The following NRG3 variants were observed in gnomAD, a reference collection of about 807,000 sequenced individuals.
NRG3 encodes pro-neuregulin-3, membrane-bound isoform.
In NRG3, 31 loss-of-function variants were observed where a neutral mutation model predicts 66.9. The observed-to-expected ratio is 0.46, with a 90% CI of 0.35 to 0.63. The LOEUF is 0.63. Among genes scored for constraint, NRG3 ranks in the 20% least tolerant of loss-of-function variants. NRG3 has a pLI of 0.00. For synonymous variants in NRG3, 393 were observed against 359.4 expected, an observed-to-expected ratio of 1.09 and a Z score of -1.06; for missense variants, 910 against 878.9, an observed-to-expected ratio of 1.04 and a Z score of -0.45.
intron 1 of NRG3, among the ~76,000 whole-genome samples, chr10:82,069,198 G>T (rs1402725702): frequency 6.6e-6 from 1 of 152,146 alleles, no homozygotes; most frequent in Non-Finnish European, 1.5e-5. Flanking sequence ...AGATGGATTG[G>T]ATAGGGGTCA....
At chr10:81,918,351 A>C (rs551388548) in intron 1 of NRG3, among the ~76,000 whole-genome samples, 2 of 152,330 alleles carry the variant, frequency 1.3e-5, no homozygotes, top group Non-Finnish European at 2.9e-5. Flanking sequence ...TTGAATTCAC[A>C]TATGATATTG....
At chr10:82,545,671 G>C (rs1249886792) in intron 2 of NRG3, among the ~76,000 whole-genome samples, 1 of 151,406 alleles carries the variant, frequency 6.6e-6, no homozygotes, top group Non-Finnish European at 1.5e-5. Context: ...GTGAGCCACC[G>C]TGCCCAGCCG....
At chr10:82,130,136 C>T (rs916281493) in intron 1 of NRG3, among the ~76,000 whole-genome samples, 2 of 151,716 alleles carry the variant, frequency 1.3e-5, no homozygotes, top group African/African-American at 4.8e-5. Flanking sequence ...GTATATGTAT[C>T]ATATTTTCTT....
intron 1 of NRG3, among the ~76,000 whole-genome samples, chr10:82,200,115 C>A (rs1466052020): frequency 6.6e-6 from 1 of 152,086 alleles, no homozygotes; most frequent in Non-Finnish European, 1.5e-5. Context: ...AGACACTATT[C>A]TAAGTACTGG....
At chr10:81,980,412 A>T (rs1453729905) in intron 1 of NRG3, among the ~76,000 whole-genome samples, 6 of 152,236 alleles carry the variant, frequency 3.9e-5, no homozygotes, top group Admixed American at 6.5e-5. Flanking sequence ...GTCAGATAAT[A>T]AGAGTAAAAG....
chr10:82,326,840 T>A (rs2081898183), intron 1 of NRG3, among the ~76,000 whole-genome samples: 1 of 152,240 alleles, frequency 6.6e-6, no homozygotes, highest in African/African-American at 2.4e-5. Flanking sequence ...ATGTATGTAA[T>A]CTTTGCCAAA....
chr10:82,337,208 G>T (rs766842700), intron 1 of NRG3, among the ~76,000 whole-genome samples: 2 of 152,082 alleles, frequency 1.3e-5, no homozygotes, highest in Non-Finnish European at 2.9e-5. Flanking sequence ...TTTATTTTCT[G>T]TCTCTGTGGA....
intron 2 of NRG3, among the ~76,000 whole-genome samples, chr10:82,515,760 C>T (rs999123863): frequency 1.3e-5 from 2 of 152,152 alleles, no homozygotes; most frequent in Admixed American, 6.5e-5. Flanking sequence ...TCACTACCAC[C>T]ATACCATTTT....
chr10:82,380,231 T>G (rs2085521890), intron 2 of NRG3, among the ~76,000 whole-genome samples: 1 of 151,406 alleles, frequency 6.6e-6, no homozygotes, highest in Non-Finnish European at 1.5e-5. Flanking sequence ...AAATACACAC[T>G]ATTTCTAACT....
intron 3 of NRG3, among the ~76,000 whole-genome samples, chr10:82,759,924 C>G (rs2059235300): frequency 6.6e-6 from 1 of 152,028 alleles, no homozygotes; most frequent in South Asian, 2.1e-4. Context: ...AAAGAGGAAA[C>G]TCTATGGGTT....
chr10:82,747,604 T>G (rs2058698643), intron 3 of NRG3, among the ~76,000 whole-genome samples: 1 of 152,084 alleles, frequency 6.6e-6, no homozygotes, highest in African/African-American at 2.4e-5. Context: ...TTTTTTCACT[T>G]GTTTATTGGT....
At chr10:82,199,502 A>G (rs2074655883) in intron 1 of NRG3, among the ~76,000 whole-genome samples, 1 of 152,182 alleles carries the variant, frequency 6.6e-6, no homozygotes, top group Non-Finnish European at 1.5e-5. Context: ...GAATATATAA[A>G]CTGATCTGTT....
rs146677920 is a variant in NRG3, at chr10:82,976,974, C to T, written c.1413-1976C>T. On this transcript the variant is annotated intron_variant, in intron 7 of 8. Transcript: ENST00000372141. ...TCTCATTTATTGCTTTTTTTGCCCT[C>T]GAACACTTATCACACTTTTGTATAT... is the stretch of plus-strand genomic sequence containing the variant. Among the ~76,000 whole-genome samples the T allele has an allele frequency of 2.0e-3, 312 of 152,196 alleles. 1 individual carries two copies. Among genetic ancestry groups the T allele is most frequent in the Non-Finnish European group, 2.7e-3 (182 of 68,002 alleles).
At chr10:82,456,718 T>C (rs2091284616) in intron 2 of NRG3, among the ~76,000 whole-genome samples, 2 of 152,042 alleles carry the variant, frequency 1.3e-5, no homozygotes, top group Admixed American at 6.6e-5. Flanking sequence ...AGAAACAAAA[T>C]TGTGACATTA....
At chr10:82,613,533 G>A (rs903655373) in intron 2 of NRG3, among the ~76,000 whole-genome samples, 3 of 151,444 alleles carry the variant, frequency 2.0e-5, no homozygotes, top group Non-Finnish European at 4.4e-5. Flanking sequence ...ATATTTTTAA[G>A]CAATGTCACA....
At chr10:82,930,585 T>A (rs17760956) in intron 4 of NRG3, among the ~76,000 whole-genome samples, 1 of 152,012 alleles carries the variant, frequency 6.6e-6, no homozygotes, top group Admixed American at 6.6e-5. Context: ...TCTTAATTTC[T>A]TAGATGTCTC....
At chr10:82,699,691 A>G (rs771658381) in intron 2 of NRG3, among the ~76,000 whole-genome samples, 2 of 151,932 alleles carry the variant, frequency 1.3e-5, no homozygotes, top group Non-Finnish European at 2.9e-5. Context: ...TGTCTCTCTT[A>G]TTTTAGCCTT....
chr10:82,200,457 GAA>G (rs1251739756), intron 1 of NRG3, among the ~76,000 whole-genome samples: 1 of 152,154 alleles, frequency 6.6e-6, no homozygotes, highest in Non-Finnish European at 1.5e-5. Context: ...AAGAAAGGCA[GAA>G]AGAGGACTAG....
chr10:82,666,345 G>T (rs2052779716), intron 2 of NRG3, among the ~76,000 whole-genome samples: 1 of 152,052 alleles, frequency 6.6e-6, no homozygotes, highest in Admixed American at 6.5e-5. Flanking sequence ...TCCTTCCCTT[G>T]ACTGTCTTAA....
Sources: gnomAD v4.1 joint callset for allele counts (sites outside exome capture counted in the v4.1 genomes callset) on GRCh38, gnomAD v4.1.1 for gene constraint, MANE v1.5 for transcripts, NCBI Gene and HGNC (gene_info 2026-07-23, HGNC 2026-07-21) for gene names.